Variants in CACNA1B observed in about 807,000 individuals in gnomAD.
CACNA1B encodes voltage-dependent N-type calcium channel subunit alpha-1B.
CACNA1B carries 70 observed loss-of-function variants against 247.2 expected under a neutral mutation model. The observed-to-expected ratio is 0.28, with a 90% CI of 0.23 to 0.35. The LOEUF (loss-of-function observed/expected upper bound fraction) is 0.35. Ranked by LOEUF, CACNA1B falls within the 10% of genes least tolerant of loss-of-function variation. The pLI is 1.00. For synonymous variants in CACNA1B, 1,231 were observed against 1,294.4 expected, an observed-to-expected ratio of 0.95 and a Z score of 1.05; for missense variants, 2,367 against 3,197.4, an observed-to-expected ratio of 0.74 and a Z score of 6.26.
At chr9:137,896,238 C>CAAAAAAA (rs34505431) in intron 3 of CACNA1B, among the ~76,000 whole-genome samples, 1 of 69,766 alleles carries the variant, frequency 1.4e-5, no homozygotes, top group South Asian at 5.9e-4. Context: ...GACTCTGTCT[C>CAAAAAAA]AAAAAAAAAA....
At chr9:137,946,055 C>T (rs1957792565) in intron 6 of CACNA1B, among the ~76,000 whole-genome samples, 1 of 152,074 alleles carries the variant, frequency 6.6e-6, no homozygotes, top group African/African-American at 2.4e-5. Context: ...CTCCTGACCT[C>T]GTGATCCACC....
chr9:138,009,890 C>T (rs2133418292), intron 16 of CACNA1B, 120 bp from the exon 17 acceptor site: 1 of 728,576 alleles, frequency 1.4e-6, no homozygotes, highest in Non-Finnish European at 2.4e-6. Context: ...CCTTGGGGAG[C>T]TGGTAGGTGC....
chr9:138,025,522 C>G (rs1324969735), intron 20 of CACNA1B, among the ~76,000 whole-genome samples: 6 of 152,204 alleles, frequency 3.9e-5, no homozygotes, highest in South Asian at 4.1e-4. Context: ...GATGGTTGCA[C>G]AAAAGCTGCT....
At chr9:137,898,682 ATTTT>A (rs556081688) in intron 3 of CACNA1B, among the ~76,000 whole-genome samples, 2 of 136,380 alleles carry the variant, frequency 1.5e-5, no homozygotes, top group Non-Finnish European at 3.2e-5. Flanking sequence ...CTTAAAAAAA[ATTTT>A]TTTTTTTTTT....
chr9:137,879,344 C>T (rs529198349), intron 2 of CACNA1B, among the ~76,000 whole-genome samples, 185 bp downstream of exon 2: 28 of 152,366 alleles, frequency 1.8e-4, no homozygotes, highest in Middle Eastern at 3.4e-3. Flanking sequence ...CTGGGGTCAC[C>T]GGCTTAGCCC....
At chr9:138,063,811 G>T (rs1304515855) in intron 31 of CACNA1B, among the ~76,000 whole-genome samples, 1 of 152,208 alleles carries the variant, frequency 6.6e-6, no homozygotes, top group Non-Finnish European at 1.5e-5. Flanking sequence ...TGGGAATGAG[G>T]TGTAGACCAA....
At chr9:137,983,721 C>G (rs891604322) in intron 12 of CACNA1B, among the ~76,000 whole-genome samples, 8 of 152,118 alleles carry the variant, frequency 5.3e-5, no homozygotes, top group African/African-American at 1.9e-4. Context: ...AGAGAACAGT[C>G]TAACAGTCAG....
intron 5 of CACNA1B, among the ~76,000 whole-genome samples, chr9:137,916,368 T>C (rs1957411645): frequency 6.6e-6 from 1 of 151,978 alleles, no homozygotes; most frequent in African/African-American, 2.4e-5. Flanking sequence ...CGGCCTTTCA[T>C]TGAGATTTTT....
intron 31 of CACNA1B, 39 bp from the exon 32 acceptor site, chr9:138,069,719 T>C: frequency 6.4e-7 from 1 of 1,566,576 alleles, no homozygotes; most frequent in Non-Finnish European, 8.8e-7. Flanking sequence ...AATTTGTAAA[T>C]AATATGCAAA....
At position 138,058,360 on chromosome 9, in the gene CACNA1B, C is replaced by A; in HGVS notation, c.4308+110C>A. 9.3e-7 allele frequency: 1 copy of A among 1,069,674 alleles called. No homozygotes were observed. The highest frequency in any genetic ancestry group is 1.4e-6 in the Non-Finnish European group (1 of 708,176). The allele number at this position is 1,069,674 out of a possible 1,614,324, so 66.3% of individuals were successfully genotyped here. On this transcript the variant is annotated intron_variant, in intron 28 of 46. Transcript: ENST00000371372. The surrounding 1 kb of genome is among the most constrained non-coding windows in gnomAD (Gnocchi z 4.7). ...CTGGGTCAGCTTTGGCTGCCACCGTCTGCCAACACAGGGGCAGGTCCTCCT... is the reference window on the plus strand; with the variant it reads ...CTGGGTCAGCTTTGGCTGCCACCGTATGCCAACACAGGGGCAGGTCCTCCT...
chr9:137,938,942 G>T (rs1046878480), intron 6 of CACNA1B, among the ~76,000 whole-genome samples: 3 of 152,084 alleles, frequency 2.0e-5, no homozygotes, highest in African/African-American at 7.2e-5. Context: ...GTGGTGGCAG[G>T]CTCCTGTAAT....
intron 36 of CACNA1B, 46 bp from the exon 37 acceptor site, chr9:138,096,438 A>G (rs1961058774): frequency 1.3e-6 from 2 of 1,582,828 alleles, no homozygotes; most frequent in South Asian, 2.3e-5. Flanking sequence ...CGGGGAGGGC[A>G]GGCTGAGGTC....
At chr9:138,084,818 G>A (rs1960640724) in intron 36 of CACNA1B, among the ~76,000 whole-genome samples, 1 of 150,786 alleles carries the variant, frequency 6.6e-6, no homozygotes. Context: ...CGGGCGCGGT[G>A]GTGGGCGCCT....
chr9:137,988,205 C>T (rs1472398592), intron 15 of CACNA1B, among the ~76,000 whole-genome samples: 1 of 152,212 alleles, frequency 6.6e-6, no homozygotes, highest in African/African-American at 2.4e-5. Context: ...GGTCACAGGC[C>T]TGGAGCTGCC....
intron 32 of CACNA1B, among the ~76,000 whole-genome samples, chr9:138,070,457 A>C (rs745670089): frequency 3.3e-5 from 5 of 152,246 alleles, no homozygotes; most frequent in African/African-American, 4.8e-5. Flanking sequence ...CAGCAAGCTC[A>C]TTTGGAGTGC....
At chr9:138,109,080 A>G (rs1179901918) in intron 39 of CACNA1B, among the ~76,000 whole-genome samples, 1 of 152,280 alleles carries the variant, frequency 6.6e-6, no homozygotes, top group African/African-American at 2.4e-5. Context: ...TTATCTCAAT[A>G]GGTATAGAAA....
intron 3 of CACNA1B, among the ~76,000 whole-genome samples, chr9:137,893,540 A>G (rs1957134910): frequency 6.6e-6 from 1 of 151,434 alleles, no homozygotes; most frequent in South Asian, 2.1e-4. Context: ...AATCCCACTT[A>G]CTCAGGGGGC....
Position 137,917,669 on chromosome 9 carries a change from C to T in CACNA1B, c.966+238C>T, listed in dbSNP as rs1383472489. Among the ~76,000 whole-genome samples the T allele has an allele frequency of 2.0e-5, 3 of 152,196 alleles. No homozygotes were observed. Among genetic ancestry groups the T allele is most frequent in the African/African-American group, 4.8e-5 (2 of 41,452 alleles). ...TGGGTCCTCCTGGAGTTGACTCCTT[C>T]GTGAAAATGAAGCAGAAGGCTGACT... On this transcript the variant is annotated intron_variant, in intron 6 of 46. Transcript: ENST00000371372. The surrounding 1 kb of genome is among the most constrained non-coding windows in gnomAD (Gnocchi z 5.5).
intron 15 of CACNA1B, among the ~76,000 whole-genome samples, chr9:137,989,107 A>G (rs960366820): frequency 6.6e-6 from 1 of 152,248 alleles, no homozygotes; most frequent in Non-Finnish European, 1.5e-5. Flanking sequence ...CCCAAAGAAA[A>G]GGAAATAACA....
Sources: gnomAD v4.1 joint callset for allele counts (sites outside exome capture counted in the v4.1 genomes callset) on GRCh38, gnomAD v4.1.1 for gene constraint, Gnocchi (gnomAD v3.1) non-coding constraint, MANE v1.5 for transcripts, NCBI Gene and HGNC (gene_info 2026-07-23, HGNC 2026-07-21) for gene names.